Variants in PARP8 observed in about 807,000 individuals in gnomAD.
The protein encoded by PARP8 is protein mono-ADP-ribosyltransferase PARP8.
Under a neutral mutation model 124.1 loss-of-function variants are expected in PARP8, and 51 were observed. The observed-to-expected ratio is 0.41, with a 90% CI of 0.33 to 0.52. PARP8 has a LOEUF of 0.52. Among genes scored for constraint, PARP8 ranks in the 20% least tolerant of loss-of-function variants. The probability of loss-of-function intolerance (pLI) is 0.21; values close to 1 mark genes in which losing one functional copy is unlikely to be tolerated. For missense variants in PARP8, 860 were observed against 1,018.9 expected (o/e 0.84, Z 2.12); for synonymous variants, 391 against 361.5 (o/e 1.08, Z -0.93).
chr5:50,666,883 G>C lies in PARP8; in HGVS notation c.-213G>C. The C allele has an allele frequency of 7.1e-7, 1 of 1,400,630 alleles. No homozygotes were observed. The highest frequency in any genetic ancestry group is 9.2e-7 in the Non-Finnish European group (1 of 1,081,842). The allele number at this position is 1,400,630 out of a possible 1,614,324, so 86.8% of individuals were successfully genotyped here. On this transcript the variant is annotated 5_prime_UTR_variant, in exon 1 of 26. Coordinates refer to ENST00000281631, the MANE Select transcript of PARP8 (RefSeq NM_024615.4). ...AGCAGCAGCTGGGCGGTCACATCTG[G>C]GAATGCAAAGCCGACCTCCCCCTCC...
chr5:50,837,089 G>C (rs1251153190), intron 25 of PARP8, among the ~76,000 whole-genome samples: 1 of 152,104 alleles, frequency 6.6e-6, no homozygotes, highest in African/African-American at 2.4e-5. Flanking sequence ...GTGTTTACTG[G>C]AGAAAAGAAT....
At chr5:50,731,824 G>A (rs906540201) in intron 2 of PARP8, among the ~76,000 whole-genome samples, 9 of 152,018 alleles carry the variant, frequency 5.9e-5, no homozygotes, top group African/African-American at 1.9e-4. Flanking sequence ...TTCAAGCCAG[G>A]TTATTTTGTA....
intron 2 of PARP8, among the ~76,000 whole-genome samples, chr5:50,727,383 A>G (rs765204512): frequency 6.6e-6 from 1 of 152,124 alleles, no homozygotes; most frequent in African/African-American, 2.4e-5. Context: ...TTTTGAAAAA[A>G]TGGACATGGA....
chr5:50,823,027 T>A (rs1745938617), intron 17 of PARP8, among the ~76,000 whole-genome samples: 1 of 152,208 alleles, frequency 6.6e-6, no homozygotes, highest in Non-Finnish European at 1.5e-5. Flanking sequence ...GGAGAGAGGT[T>A]TAAAACTTAT....
intron 2 of PARP8, among the ~76,000 whole-genome samples, chr5:50,723,363 G>T (rs1580100465): frequency 6.6e-6 from 1 of 152,036 alleles, no homozygotes; most frequent in Non-Finnish European, 1.5e-5. Flanking sequence ...TTGTCTCTCA[G>T]TTTCTAAATT....
intron 2 of PARP8, among the ~76,000 whole-genome samples, chr5:50,744,388 T>C (rs139035612): frequency 1.3e-5 from 2 of 152,126 alleles, no homozygotes; most frequent in African/African-American, 2.4e-5. Flanking sequence ...TAAACAAATA[T>C]ATGAACAGAA....
At chr5:50,704,278 A>G (rs985439191) in intron 2 of PARP8, among the ~76,000 whole-genome samples, 4 of 152,052 alleles carry the variant, frequency 2.6e-5, no homozygotes, top group African/African-American at 9.7e-5. Flanking sequence ...TCCTTGGTAT[A>G]TGTAGATCCT....
chr5:50,712,972 C>T (rs1281036367), intron 2 of PARP8, among the ~76,000 whole-genome samples: 1 of 150,996 alleles, frequency 6.6e-6, no homozygotes, highest in Admixed American at 6.6e-5. Flanking sequence ...GTAATAATAA[C>T]AACTAAAATT....
chr5:50,778,540 T>G lies in PARP8; in HGVS notation c.580-20T>G. The G allele has an allele frequency of 6.4e-7, 1 of 1,563,758 alleles. No homozygotes were observed. Among genetic ancestry groups the G allele is most frequent in the Non-Finnish European group, 8.7e-7 (1 of 1,152,278 alleles). ...AACTCTAAAAGATGATTAATTCATC[T>G]TTTAAATATATTTGTGCAGGAGGAG... is the stretch of plus-strand genomic sequence containing the variant. On this transcript the variant is annotated intron_variant, in intron 8 of 25. Transcript: ENST00000281631.
rs189177046 is a variant in PARP8, at chr5:50,699,321, G to A, written c.146+31196G>A. ...ACTCTTTGGATTTCTCCCTTGCTAC[G>A]TAAGTCCGTTCCCTAAAGGACATGG... On this transcript the variant is annotated intron_variant, in intron 2 of 25. Coordinates refer to ENST00000281631, the MANE Select transcript of PARP8 (RefSeq NM_024615.4). 5.2e-4 allele frequency among the ~76,000 whole-genome samples: 79 copies of A among 152,298 alleles called. 2 individuals are homozygous for A. The East Asian group carries it at 7.3e-3, about 14-fold the overall frequency.
In PARP8 at chr5:50,755,159, T is replaced by A. The variant is rs1759783497; in HGVS notation, c.185-4484T>A. ...TGTTCACTCTGATGGTAGTTTCTTT[T>A]GCTGTGCAGAAGCTCTTTAGTTTAA... On this transcript the variant is annotated intron_variant, in intron 3 of 25. Transcript: ENST00000281631. Among the ~76,000 whole-genome samples, 5 of 152,228 alleles carry A rather than the reference T, an allele frequency of 3.3e-5. No homozygotes were observed. The South Asian group carries it at 1.0e-3, about 32-fold the overall frequency.
At chr5:50,808,165 G>C (rs76826989) in intron 14 of PARP8, among the ~76,000 whole-genome samples, 1 of 151,768 alleles carries the variant, frequency 6.6e-6, no homozygotes, top group African/African-American at 2.4e-5. Flanking sequence ...ATTTAGCCAC[G>C]GTTGAGGATG....
chr5:50,734,496 T>C (rs1242253255), intron 2 of PARP8, among the ~76,000 whole-genome samples: 1 of 152,180 alleles, frequency 6.6e-6, no homozygotes, highest in Non-Finnish European at 1.5e-5. Context: ...TGTAGGTGAA[T>C]GCTTTGCTGG....
At chr5:50,802,426 T>C (rs970561571) in intron 14 of PARP8, among the ~76,000 whole-genome samples, 1 of 152,186 alleles carries the variant, frequency 6.6e-6, no homozygotes, top group African/African-American at 2.4e-5. Flanking sequence ...GTGATCTTCC[T>C]GCTTGCATCA....
At chr5:50,834,790 A>G (rs1215907105) in intron 24 of PARP8, 141 bp from the exon 25 acceptor site, 3 of 730,896 alleles carry the variant, frequency 4.1e-6, no homozygotes, top group East Asian at 2.7e-5. Flanking sequence ...TTCATAGACA[A>G]TAAGGCTAAA....
chr5:50,775,199 A>G (rs1739843178), intron 7 of PARP8, among the ~76,000 whole-genome samples: 1 of 152,220 alleles, frequency 6.6e-6, no homozygotes, highest in South Asian at 2.1e-4. Flanking sequence ...TGGGAGGCCA[A>G]GCAGGTGGCT....
chr5:50,817,194 G>A (rs976116401), intron 15 of PARP8, among the ~76,000 whole-genome samples: 2 of 152,042 alleles, frequency 1.3e-5, no homozygotes, highest in African/African-American at 4.8e-5. Context: ...TAAAATCATT[G>A]TTACATCATA....
At chr5:50,752,499 G>T (rs1362643603) in intron 3 of PARP8, among the ~76,000 whole-genome samples, 1 of 151,884 alleles carries the variant, frequency 6.6e-6, no homozygotes, top group African/African-American at 2.4e-5. Context: ...AAACTTTTTA[G>T]CAAAAGTATA....
chr5:50,821,176 C>T (rs1172927028), intron 15 of PARP8, 37 bp from the exon 16 acceptor site: 2 of 1,611,846 alleles, frequency 1.2e-6, no homozygotes, highest in Non-Finnish European at 1.7e-6. Context: ...TGGATAAAAC[C>T]TGAAGGGTAG....
Sources: gnomAD v4.1 joint callset for allele counts (sites outside exome capture counted in the v4.1 genomes callset) on GRCh38, gnomAD v4.1.1 for gene constraint, MANE v1.5 for transcripts, NCBI Gene and HGNC (gene_info 2026-07-23, HGNC 2026-07-21) for gene names.